Variants in SLC9A9 observed in about 807,000 individuals in gnomAD.
SLC9A9 encodes sodium/hydrogen exchanger 9.
Under a neutral mutation model 77.8 loss-of-function variants are expected in SLC9A9, and 62 were observed. The observed-to-expected ratio is 0.80, with a 90% confidence interval of 0.65 to 0.98. The LOEUF is 0.98. Ranked by LOEUF, SLC9A9 falls within the 50% of genes least tolerant of loss-of-function variation. The pLI is 0.00. For missense variants in SLC9A9, 775 were observed against 774.9 expected (o/e 1.00, Z 0.00); for synonymous variants, 320 against 283.5 (o/e 1.13, Z -1.29).
chr3:143,743,133 G>C (rs1935113798), intron 4 of SLC9A9, among the ~76,000 whole-genome samples: 1 of 151,742 alleles, frequency 6.6e-6, no homozygotes, highest in Non-Finnish European at 1.5e-5. Flanking sequence ...AGTAGGAAAG[G>C]GACATCAGTA....
At chr3:143,421,845 C>T (rs1008078639) in intron 12 of SLC9A9, among the ~76,000 whole-genome samples, 1 of 152,064 alleles carries the variant, frequency 6.6e-6, no homozygotes, top group East Asian at 1.9e-4. Flanking sequence ...ATGCAGTCAA[C>T]AAAGGTCTAA....
chr3:143,421,317 T>G (rs1213906067), intron 12 of SLC9A9, among the ~76,000 whole-genome samples: 1 of 152,152 alleles, frequency 6.6e-6, no homozygotes, highest in Non-Finnish European at 1.5e-5. Flanking sequence ...AAAGCAATCC[T>G]AGGCAAAAAG....
At chr3:143,300,902 G>A (rs910217783) in intron 14 of SLC9A9, among the ~76,000 whole-genome samples, 2 of 152,184 alleles carry the variant, frequency 1.3e-5, no homozygotes, top group South Asian at 4.1e-4. Flanking sequence ...GAGATTTGCA[G>A]ATTTGCACTG....
intron 2 of SLC9A9, among the ~76,000 whole-genome samples, chr3:143,815,551 A>ATTCTT (rs747415214): frequency 9.1e-6 from 1 of 110,332 alleles, no homozygotes; most frequent in African/African-American, 2.9e-5. Flanking sequence ...TATTTTAAAA[A>ATTCTT]AAAAAAAAGG....
At chr3:143,390,643 A>AG (rs1219102552) in intron 12 of SLC9A9, among the ~76,000 whole-genome samples, 2 of 152,198 alleles carry the variant, frequency 1.3e-5, no homozygotes, top group South Asian at 4.1e-4. Flanking sequence ...GAGCCGAAGC[A>AG]GGGCGAGGCG....
At chr3:143,431,708 C>T (rs540208513) in intron 12 of SLC9A9, among the ~76,000 whole-genome samples, 1 of 152,148 alleles carries the variant, frequency 6.6e-6, no homozygotes, top group South Asian at 2.1e-4. Context: ...GTCTTGATCT[C>T]CCGACCTCGT....
intron 5 of SLC9A9, among the ~76,000 whole-genome samples, chr3:143,674,866 C>G (rs1335196688): frequency 1.3e-5 from 2 of 152,156 alleles, no homozygotes; most frequent in Non-Finnish European, 2.9e-5. Flanking sequence ...CAGTTCCAAG[C>G]CTCCTTCATC....
intron 6 of SLC9A9, among the ~76,000 whole-genome samples, chr3:143,623,884 G>C (rs2038268162): frequency 6.6e-6 from 1 of 151,988 alleles, no homozygotes; most frequent in African/African-American, 2.4e-5. Context: ...TAATAAAGAA[G>C]AAAAGAGAGA....
intron 8 of SLC9A9, among the ~76,000 whole-genome samples, chr3:143,564,521 T>A (rs138473341): frequency 6.6e-6 from 1 of 152,182 alleles, no homozygotes; most frequent in African/African-American, 2.4e-5. Flanking sequence ...TTATTTATTT[T>A]TGATCTAGTA....
intron 14 of SLC9A9, among the ~76,000 whole-genome samples, chr3:143,296,675 C>T (rs937424852): frequency 2.0e-5 from 3 of 152,296 alleles, no homozygotes; most frequent in Admixed American, 1.3e-4. Flanking sequence ...ACAATTTTTC[C>T]ACATTCTTAC....
intron 14 of SLC9A9, among the ~76,000 whole-genome samples, chr3:143,315,596 C>T (rs1174821791): frequency 6.6e-6 from 1 of 152,202 alleles, no homozygotes; most frequent in Non-Finnish European, 1.5e-5. Flanking sequence ...CACTTTCCTA[C>T]ATTTAAAAAC....
In SLC9A9 at chr3:143,722,472, C is replaced by CAAAAA. The variant is rs60995925; in HGVS notation, c.534-29170_534-29166dup. ...TGGGCGACAGAGCGAGACTCCATCTCAAAAAAAAAAAAAAAAAAAAAAAGT... is the reference window on the plus strand; with the variant it reads ...TGGGCGACAGAGCGAGACTCCATCTCAAAAAAAAAAAAAAAAAAAAAAAAAAAAGT... On this transcript the variant is annotated intron_variant, in intron 4 of 15. Transcript: ENST00000316549. 4.6e-3 allele frequency among the ~76,000 whole-genome samples: 269 copies of CAAAAA among 58,316 alleles called. 28 individuals carry two copies. The highest frequency in any genetic ancestry group is 0.016 in the African/African-American group (225 of 13,872). The allele number at this position is 58,316 out of a possible 152,430, so 38.3% of individuals were successfully genotyped here.
intron 4 of SLC9A9, among the ~76,000 whole-genome samples, chr3:143,763,535 G>T (rs2007204281): frequency 6.6e-6 from 1 of 152,086 alleles, no homozygotes; most frequent in South Asian, 2.1e-4. Flanking sequence ...TCATGGATTT[G>T]TACACTCCTG....
intron 6 of SLC9A9, among the ~76,000 whole-genome samples, chr3:143,619,561 C>T (rs1029615759): frequency 3.9e-5 from 6 of 151,988 alleles, no homozygotes; most frequent in African/African-American, 1.2e-4. Flanking sequence ...ATTTGCGTTG[C>T]CCTAGATAAA....
intron 4 of SLC9A9, among the ~76,000 whole-genome samples, chr3:143,785,851 T>TC (rs2008035492): frequency 3.3e-5 from 1 of 30,570 alleles, no homozygotes; most frequent in Admixed American, 3.3e-4. Flanking sequence ...TTTTCTTTTT[T>TC]TTTTTTTTTT....
intron 2 of SLC9A9, among the ~76,000 whole-genome samples, chr3:143,820,814 T>A (rs1483604091): frequency 1.9e-5 from 2 of 105,154 alleles, no homozygotes; most frequent in African/African-American, 5.3e-5. Flanking sequence ...TAGATCTTAA[T>A]ATTGGCTATT....
rs376112470 is a variant in SLC9A9, at chr3:143,441,882, T to C, written c.1469+25155A>G. On this transcript the variant is annotated intron_variant, in intron 12 of 15. Coordinates refer to ENST00000316549, the MANE Select transcript of SLC9A9 (RefSeq NM_173653.4). Reference sequence around the variant, plus strand: ...TCCATCCATCCATCCATCCATCCACTCATCCATCCATCTCTACTCATCCAT... The same window carrying C: ...TCCATCCATCCATCCATCCATCCACCCATCCATCCATCTCTACTCATCCAT... Among the ~76,000 whole-genome samples, 51 of 142,896 alleles carry C rather than the reference T, an allele frequency of 3.6e-4. 1 individual carries two copies. The highest frequency in any genetic ancestry group is 7.7e-4 in the Admixed American group (11 of 14,326). The allele number at this position is 142,896 out of a possible 152,430, so 93.7% of individuals were successfully genotyped here. A position where few individuals can be genotyped will look rare whatever the true frequency, so the allele number is the denominator to read the frequency against.
chr3:143,364,250 AT>A (rs1012479133), intron 13 of SLC9A9, among the ~76,000 whole-genome samples: 19 of 151,390 alleles, frequency 1.3e-4, no homozygotes, highest in African/African-American at 3.9e-4. Context: ...AAGAAAGTGA[AT>A]TTTTTTTTGT....
chr3:143,509,792 T>C (rs537907429), intron 9 of SLC9A9, among the ~76,000 whole-genome samples: 7 of 152,318 alleles, frequency 4.6e-5, no homozygotes, highest in African/African-American at 1.2e-4. Flanking sequence ...AAAAATTATA[T>C]ACATATATAT....
Sources: allele counts gnomAD v4.1 joint callset (sites outside exome capture counted in the v4.1 genomes callset), GRCh38; gene constraint gnomAD v4.1.1; transcripts MANE v1.5; gene names NCBI Gene and HGNC (gene_info 2026-07-23, HGNC 2026-07-21).